The following CORO1A variants were observed in gnomAD, a reference collection of about 807,000 sequenced individuals.
CORO1A encodes coronin-1A.
A neutral mutation model predicts 44.1 loss-of-function variants in CORO1A; 17 were observed. The observed-to-expected ratio is 0.39, with a 90% CI of 0.26 to 0.58. The LOEUF is 0.58. Among genes scored for constraint, CORO1A ranks in the 20% least tolerant of loss-of-function variants. The pLI is 0.62. For missense variants in CORO1A, 415 were observed against 606.5 expected (o/e 0.68, Z 3.32); for synonymous variants, 271 against 244.2 (o/e 1.11, Z -1.02).
chr16:30,185,185 T>C (rs1476457874), intron 1 of CORO1A, 24 bp from the exon 2 acceptor site: 1 of 1,612,280 alleles, frequency 6.2e-7, no homozygotes, highest in East Asian at 2.2e-5. Context: ...AAGGGAGAAA[T>C]GCTCTTATGC....
chr16:30,184,718 G>A lies in CORO1A; in HGVS notation c.-1-491G>A, dbSNP rs2073313756. On this transcript the variant is annotated intron_variant, in intron 1 of 10. Transcript: ENST00000219150. The surrounding 1 kb of genome is among the most constrained non-coding windows in gnomAD (Gnocchi z 4.3). ...CAGCCCCCACGCCACTTCCTCCTGTGTCCAGCCCCATGCCAGCAGGCGAGG... is the reference window on the plus strand; with the variant it reads ...CAGCCCCCACGCCACTTCCTCCTGTATCCAGCCCCATGCCAGCAGGCGAGG... The A allele has an allele frequency of 4.0e-6, 1 of 250,960 alleles. No individual in the cohort carries two copies. The highest frequency in any genetic ancestry group is 2.3e-5 in the African/African-American group (1 of 44,296). 15.5% of individuals were successfully genotyped at this position (250,960 alleles called of 1,614,324 possible).
At chr16:30,185,574 G>A (rs2073324501) in intron 2 of CORO1A, 167 bp downstream of exon 2, 1 of 636,594 alleles carries the variant, frequency 1.6e-6, no homozygotes, top group Admixed American at 2.9e-5. Flanking sequence ...TCTGTGCTGT[G>A]GCTGTGTGGA....
intron 9 of CORO1A, 35 bp from the exon 10 acceptor site, chr16:30,188,326 A>G (rs781639529): frequency 9.9e-6 from 16 of 1,612,680 alleles, no homozygotes; most frequent in Admixed American, 8.3e-5. Context: ...TCCTGGCATA[A>G]GCGCTTTCCT....
At chr16:30,188,116 A>G (rs772918611) in intron 8 of CORO1A, 29 bp downstream of exon 8, 1 of 1,613,798 alleles carries the variant, frequency 6.2e-7, no homozygotes, top group South Asian at 1.1e-5. Context: ...TGACCGCAGC[A>G]TGCTCCTTGG....
chr16:30,187,865 G>GGGGGGGGGGGGGGGCCCGGGGGGC, intron 7 of CORO1A, 36 bp downstream of exon 7: 1 of 513,354 alleles, frequency 1.9e-6, no homozygotes, highest in Non-Finnish European at 3.6e-6. Flanking sequence ...TGGGAGGTGG[G>GGGGGGGGGGGGGGGCCCGGGGGGC]CAGGATGGGC....
At position 30,184,731 on chromosome 16, in the gene CORO1A, C is replaced by T; in HGVS notation, c.-1-478C>T. The T allele has an allele frequency of 3.9e-6, 1 of 255,048 alleles. No homozygotes were observed. The highest frequency in any genetic ancestry group is 7.8e-6 in the Non-Finnish European group (1 of 127,636). 15.8% of individuals were successfully genotyped at this position (255,048 alleles called of 1,614,324 possible). The stretch of plus-strand genomic sequence containing the variant: ...ACTTCCTCCTGTGTCCAGCCCCATG[C>T]CAGCAGGCGAGGGAGGCCAGCTCCT... On this transcript the variant is annotated intron_variant, in intron 1 of 10. Coordinates refer to ENST00000219150, the MANE Select transcript of CORO1A (RefSeq NM_007074.4). This position sits in a 1 kb window ranked among gnomAD's most constrained non-coding sequence, Gnocchi z 4.3.
chr16:30,188,234 G>C lies in CORO1A; in HGVS notation c.1050G>C (p.Met350Ile). 1.2e-6 allele frequency: 2 copies of C among 1,614,126 alleles called. No homozygotes were observed. The highest frequency in any genetic ancestry group is 1.7e-6 in the Non-Finnish European group (2 of 1,180,016). ...LHERRCEPIAMTVPRKSDLFQ... is the reference protein window; with the variant it reads ...LHERRCEPIAITVPRKSDLFQ... Reference sequence around the variant, plus strand: ...AGCGGAGGTGTGAGCCCATTGCCATGACAGTGCCTCGAAAGGTGATGCTCC... The same window carrying C: ...AGCGGAGGTGTGAGCCCATTGCCATCACAGTGCCTCGAAAGGTGATGCTCC... The change falls in exon 9 of 11, where the codon ATG (methionine) becomes ATC (isoleucine). Residue 350 changes from methionine (M) to isoleucine (I), a missense_variant. Transcript: ENST00000219150.
At chr16:30,186,538 G>C in intron 2 of CORO1A, 60 bp from the exon 3 acceptor site, 1 of 1,603,888 alleles carries the variant, frequency 6.2e-7, no homozygotes, top group East Asian at 2.2e-5. Context: ...AAGGAGGTGT[G>C]GGGAGGTTGG....
chr16:30,187,969 A>G lies in CORO1A; in HGVS notation c.889A>G (p.Ile297Val). 6.2e-7 allele frequency: 1 copy of G among 1,613,996 alleles called. No individual in the cohort carries two copies. ...TGACAGCTCAATCCGGTACTTTGAG[A>G]TCACTTCCGAGGCCCCTTTCCTGCA... ...KGDSSIRYFEITSEAPFLHYL... is the reference protein window; with the variant it reads ...KGDSSIRYFEVTSEAPFLHYL... Residue 297 changes from isoleucine to valine, a missense_variant, in exon 8 of 11, where the codon ATC becomes GTC. Physicochemically the swap from Ile to Val is conservative, Grantham distance 29. Around this residue, in one of 2 missense-constraint regions of CORO1A, gnomAD observed 325 missense variants for 521.7 expected, o/e 0.62. Transcript: ENST00000219150.
intron 2 of CORO1A, 38 bp from the exon 3 acceptor site, chr16:30,186,560 G>T (rs912874709): frequency 6.2e-7 from 1 of 1,611,478 alleles, no homozygotes; most frequent in African/African-American, 1.3e-5. Flanking sequence ...TTGGGTTTGG[G>T]AGGCAAAAGC....
In CORO1A at chr16:30,187,784, G is replaced by A. The variant is rs2073359529; in HGVS notation, c.816G>A (p.Leu272=). 6.4e-7 allele frequency: 1 copy of A among 1,551,662 alleles called. No individual in the cohort carries two copies. The highest frequency in any genetic ancestry group is 1.5e-5 in the African/African-American group (1 of 68,918). ...QELDTSSGVL[L]PFFDPDTNIV... ...TGGACACCAGCAGCGGTGTCCTGCT[G>A]CCCTTCTTTGACCCTGACACCAACA... The change falls in exon 7 of 11, where the codon CTG becomes CTA. Residue 272 remains leucine (L), a synonymous_variant. Transcript: ENST00000219150.
chr16:30,187,810 T>C lies in CORO1A; in HGVS notation c.842T>C (p.Ile281Thr). The change falls in exon 7 of 11, where the codon ATC (isoleucine) becomes ACC (threonine). Residue 281 changes from isoleucine to threonine, a missense_variant. By Grantham distance (89) the Ile-to-Thr change is moderately conservative. Around this residue, in one of 2 missense-constraint regions of CORO1A, gnomAD observed 325 missense variants for 521.7 expected, o/e 0.62. Transcript: ENST00000219150. Reference sequence around the variant, plus strand: ...CCCTTCTTTGACCCTGACACCAACATCGTCTACCTCTGTGGCAAGGTGGCC... The same window carrying C: ...CCCTTCTTTGACCCTGACACCAACACCGTCTACCTCTGTGGCAAGGTGGCC... ...LLPFFDPDTN[I>T]VYLCGKGDSS... 3 of 1,443,296 alleles carry C rather than the reference T, an allele frequency of 2.1e-6. No individual in the cohort carries two copies. The highest frequency in any genetic ancestry group is 2.8e-6 in the Non-Finnish European group (3 of 1,077,982). The allele number at this position is 1,443,296 out of a possible 1,614,324, so 89.4% of individuals were successfully genotyped here. A position where few individuals can be genotyped will look rare whatever the true frequency, so the allele number is the denominator to read the frequency against.
chr16:30,187,067 C>G lies in CORO1A; in HGVS notation c.480C>G (p.Asp160Glu). The G allele has an allele frequency of 6.2e-7, 1 of 1,614,060 alleles. No homozygotes were observed. The highest frequency in any genetic ancestry group is 8.5e-7 in the Non-Finnish European group (1 of 1,179,996). Residue 160 changes from aspartate to glutamate, a missense_variant, in exon 5 of 11, where the codon GAC (aspartate) becomes GAG (glutamate). Around this residue, in one of 2 missense-constraint regions of CORO1A, gnomAD observed 325 missense variants for 521.7 expected, o/e 0.62. Coordinates refer to ENST00000219150, the MANE Select transcript of CORO1A (RefSeq NM_007074.4). ...GTGACAACGTGATCATGGTGTGGGA[C>G]GTGGGCACTGGGGCGGCCATGCTGA... ...AGCDNVIMVW[D>E]VGTGAAMLTL...
At chr16:30,186,968 G>T (rs746759179) in intron 4 of CORO1A, 23 bp downstream of exon 4, 2 of 1,612,850 alleles carry the variant, frequency 1.2e-6, no homozygotes, top group Non-Finnish European at 1.7e-6. Context: ...GAGGGGCTTG[G>T]GGGTGGCTCG....
rs751802043 is a variant in CORO1A, at chr16:30,186,703, G to A, written c.304G>A (p.Glu102Lys). 17 of 1,612,356 alleles carry A rather than the reference G, an allele frequency of 1.1e-5. No individual in the cohort carries two copies. Among genetic ancestry groups the A allele is most frequent in the African/African-American group, 5.3e-5 (4 of 74,934 alleles). Residue 102 changes from glutamate to lysine, a missense_variant, in exon 3 of 11, where the codon GAG becomes AAG. Physicochemically the swap from Glu to Lys is moderately conservative, Grantham distance 56. This residue lies in a region of CORO1A where 325 missense variants were observed against 521.7 expected (regional missense o/e 0.62). Transcript: ENST00000219150. Reference protein sequence around the residue: ...HNDNVIASGSEDCTVMVWEIP... With the variant: ...HNDNVIASGSKDCTVMVWEIP... ...TGACAACGTCATTGCCAGTGGCTCC[G>A]AGGACTGCACAGTCATGGTGAGTGG...
intron 1 of CORO1A, 75 bp from the exon 2 acceptor site, chr16:30,185,134 C>T: frequency 6.8e-7 from 1 of 1,464,522 alleles, no homozygotes; most frequent in Non-Finnish European, 9.5e-7. Context: ...GAGGGGTGTC[C>T]TGGGGGAGGT....
Position 30,187,989 on chromosome 16 carries a change from C to T in CORO1A, c.909C>T (p.Phe303=). The change falls in exon 8 of 11, where the codon TTC becomes TTT. Residue 303 remains phenylalanine (F), a synonymous_variant. Coordinates refer to ENST00000219150, the MANE Select transcript of CORO1A (RefSeq NM_007074.4). ...TTGAGATCACTTCCGAGGCCCCTTT[C>T]CTGCACTATCTCTCCATGTTCAGTT... The part of the protein sequence containing the change: ...RYFEITSEAP[F]LHYLSMFSSK... The T allele has an allele frequency of 6.2e-7, 1 of 1,614,096 alleles. No homozygotes were observed. The highest frequency in any genetic ancestry group is 8.5e-7 in the Non-Finnish European group (1 of 1,180,018).
Position 30,188,011 on chromosome 16 carries a change from A to T in CORO1A, c.931A>T (p.Ser311Cys). 6.2e-7 allele frequency: 1 copy of T among 1,613,934 alleles called. No individual in the cohort carries two copies. Among genetic ancestry groups the T allele is most frequent in the East Asian group, 2.2e-5 (1 of 44,866 alleles). ...APFLHYLSMFSSKESQRGMGY... is the reference protein window; with the variant it reads ...APFLHYLSMFCSKESQRGMGY... Reference sequence around the variant, plus strand: ...TTTCCTGCACTATCTCTCCATGTTCAGTTCCAAGGAGTCCCAGCGGGGCAT... The same window carrying T: ...TTTCCTGCACTATCTCTCCATGTTCTGTTCCAAGGAGTCCCAGCGGGGCAT... The change falls in exon 8 of 11, where the codon AGT becomes TGT. Residue 311 changes from serine to cysteine, a missense_variant. Physicochemically the swap from Ser to Cys is moderately radical, Grantham distance 112. Transcript: ENST00000219150.
In CORO1A at chr16:30,187,386, A is replaced by G; in HGVS notation, c.641A>G (p.Lys214Arg). ...ACCACCTCCCTTTCCTTGCAGGAGA[A>G]GGACCGTCCCCACGAGGGGACCCGG... ...EPRKGTVVAE[K>R]DRPHEGTRPV... Residue 214 changes from lysine (K) to arginine (R), a missense_variant, in exon 6 of 11, where the codon AAG (lysine) becomes AGG (arginine). Lys to Arg is a conservative substitution (Grantham distance 26). This residue lies in a region of CORO1A where 325 missense variants were observed against 521.7 expected (regional missense o/e 0.62). Transcript: ENST00000219150. 1 of 1,610,786 alleles carries G rather than the reference A, an allele frequency of 6.2e-7. No homozygotes were observed. The highest frequency in any genetic ancestry group is 1.6e-4 in the Middle Eastern group (1 of 6,062).
Sources: allele counts gnomAD v4.1 joint callset, GRCh38; gene constraint gnomAD v4.1.1; regional missense constraint gnomAD v4.1.1; non-coding constraint Gnocchi (gnomAD v3.1); transcripts MANE v1.5; gene names NCBI Gene and HGNC (gene_info 2026-07-23, HGNC 2026-07-21).